The following STIM1 variants were observed in gnomAD, a reference collection of about 807,000 sequenced individuals.
STIM1 encodes the protein stromal interaction molecule 1.
In STIM1, 25 loss-of-function variants were observed where a neutral mutation model predicts 74.7. The observed-to-expected ratio is 0.33, with a 90% CI of 0.24 to 0.47. The LOEUF (loss-of-function observed/expected upper bound fraction) is 0.47, where lower values mean the gene tolerates loss of function less well. Ranked by LOEUF, STIM1 falls within the 20% of genes least tolerant of loss-of-function variation. The pLI is 1.00. For missense variants in STIM1, 728 were observed against 920.8 expected (o/e 0.79, Z 2.71); for synonymous variants, 328 against 348.8 (o/e 0.94, Z 0.66).
intron 1 of STIM1, among the ~76,000 whole-genome samples, chr11:3,895,968 G>A (rs1406758363): frequency 4.7e-5 from 7 of 147,546 alleles, no homozygotes; most frequent in South Asian, 2.1e-4. Context: ...GTAGTGGCGC[G>A]ATCTCGGCTC....
intron 5 of STIM1, among the ~76,000 whole-genome samples, chr11:4,067,276 G>C (rs749210379): frequency 6.6e-6 from 1 of 152,240 alleles, no homozygotes; most frequent in Non-Finnish European, 1.5e-5. Flanking sequence ...AACACATAGT[G>C]TGGGATGCCT....
intron 1 of STIM1, among the ~76,000 whole-genome samples, chr11:3,889,180 C>A (rs2091823305): frequency 6.7e-6 from 1 of 148,432 alleles, no homozygotes. Context: ...TCAGAGATAC[C>A]TAAGGCAAGA....
Position 3,856,054 on chromosome 11 carries a change from A to G in STIM1, c.-217A>G. ...AGGCCGCCGCAGCCCCGGCGGACCCACTGTTGGACCTGAGGAGCCAGCCCT... is the reference window on the plus strand; with the variant it reads ...AGGCCGCCGCAGCCCCGGCGGACCCGCTGTTGGACCTGAGGAGCCAGCCCT... On this transcript the variant is annotated 5_prime_UTR_variant, in exon 1 of 13. Coordinates refer to ENST00000526596, the MANE Select transcript of STIM1 (RefSeq NM_001382567.1). The G allele has an allele frequency of 5.1e-6, 3 of 586,044 alleles. No homozygotes were observed. The highest frequency in any genetic ancestry group is 9.1e-6 in the Non-Finnish European group (3 of 330,212). The allele number at this position is 586,044 out of a possible 1,614,324, so 36.3% of individuals were successfully genotyped here. A position where few individuals can be genotyped will look rare whatever the true frequency, so the allele number is the denominator to read the frequency against.
intron 4 of STIM1, among the ~76,000 whole-genome samples, 172 bp from the exon 5 acceptor site, chr11:4,059,109 G>C (rs1239762236): frequency 6.6e-6 from 1 of 152,160 alleles, no homozygotes; most frequent in Non-Finnish European, 1.5e-5. Flanking sequence ...AATGTTATGT[G>C]TCTCTCCATA....
At position 4,065,159 on chromosome 11, in the gene STIM1, G is replaced by T. The variant is rs534949038; in HGVS notation, c.614-4867G>T. ...TTTGTGCTTTCAGCAGGAATATTGA[G>T]AAAAGTGCAGGGAGGCCTACAGAAT... is the stretch of plus-strand genomic sequence containing the variant. On this transcript the variant is annotated intron_variant, in intron 5 of 12. Coordinates refer to ENST00000526596, the MANE Select transcript of STIM1 (RefSeq NM_001382567.1). Among the ~76,000 whole-genome samples the T allele has an allele frequency of 6.5e-4, 99 of 152,284 alleles. 1 individual carries two copies. The highest frequency in any genetic ancestry group is 2.3e-3 in the African/African-American group (97 of 41,572).
intron 1 of STIM1, among the ~76,000 whole-genome samples, chr11:3,913,954 TA>T (rs1427986016): frequency 1.7e-4 from 26 of 152,326 alleles, no homozygotes; most frequent in Admixed American, 5.9e-4. Context: ...CTTTTTTTAT[TA>T]TTTTTTTTGG....
intron 1 of STIM1, among the ~76,000 whole-genome samples, chr11:3,937,327 G>T (rs2092946757): frequency 9.3e-6 from 1 of 108,068 alleles, no homozygotes; most frequent in Non-Finnish European, 2.0e-5. Flanking sequence ...TAAAATATCT[G>T]GAATGAGTGT....
rs201500852 is a variant in STIM1 at position 3,856,332 on chromosome 11, A to G, written c.62A>G (p.Gln21Arg). 11 of 1,614,086 alleles carry G rather than the reference A, an allele frequency of 6.8e-6. No individual in the cohort carries two copies. The highest frequency in any genetic ancestry group is 9.3e-6 in the Non-Finnish European group (11 of 1,180,042). ...LLWGLLLHQG[Q>R]SLSHSHSEKA... ...TGGGGACTCCTCCTGCACCAGGGCC[A>G]GAGCCTCAGCCATAGTCACAGTGAG... is the stretch of plus-strand genomic sequence containing the variant. The change falls in exon 1 of 13, where the codon CAG (glutamine) becomes CGG (arginine). Residue 21 changes from glutamine to arginine, a missense_variant. By Grantham distance (43) the Gln-to-Arg change is conservative. Coordinates refer to ENST00000526596, the MANE Select transcript of STIM1 (RefSeq NM_001382567.1).
chr11:3,876,591 T>G (rs1258615521), intron 1 of STIM1, among the ~76,000 whole-genome samples: 1 of 152,186 alleles, frequency 6.6e-6, no homozygotes, highest in Non-Finnish European at 1.5e-5. Context: ...TTATTTTTTG[T>G]AGAGGCAGGG....
intron 7 of STIM1, among the ~76,000 whole-genome samples, chr11:4,081,618 G>A (rs1281985367): frequency 1.3e-5 from 2 of 152,174 alleles, no homozygotes; most frequent in Admixed American, 1.3e-4. Context: ...CCCATGACAG[G>A]GAACTCATTC....
chr11:4,069,606 T>C (rs898157275), intron 5 of STIM1, among the ~76,000 whole-genome samples: 2 of 152,274 alleles, frequency 1.3e-5, no homozygotes, highest in Admixed American at 1.3e-4. Context: ...TTGCTTTATA[T>C]CCTTTATACC....
intron 1 of STIM1, among the ~76,000 whole-genome samples, chr11:3,931,998 G>A (rs561651986): frequency 6.6e-6 from 1 of 152,172 alleles, no homozygotes; most frequent in Non-Finnish European, 1.5e-5. Context: ...ATTGCACGCT[G>A]TTTACAAGCG....
At chr11:3,867,989 G>C (rs771173792) in intron 1 of STIM1, 2 of 152,158 alleles carry the variant, frequency 1.3e-5, no homozygotes, top group East Asian at 1.9e-4. Context: ...CAGAACTCTC[G>C]TCACTACAGT....
chr11:3,963,114 A>T (rs2093304854), intron 1 of STIM1, among the ~76,000 whole-genome samples: 1 of 152,180 alleles, frequency 6.6e-6, no homozygotes, highest in African/African-American at 2.4e-5. Flanking sequence ...GAGTTTAGGG[A>T]TACAAGTATA....
chr11:3,913,210 G>A (rs2092592864), intron 1 of STIM1, among the ~76,000 whole-genome samples: 1 of 151,812 alleles, frequency 6.6e-6, no homozygotes, highest in Non-Finnish European at 1.5e-5. Flanking sequence ...CTTTTCTTAG[G>A]ACAGGGTCTT....
intron 3 of STIM1, 35 bp downstream of exon 3, chr11:4,024,022 G>T (rs758632678): frequency 1.3e-6 from 2 of 1,582,036 alleles, no homozygotes; most frequent in Non-Finnish European, 8.7e-7. Flanking sequence ...CCTAGTTGTG[G>T]GAAGGTTTAG....
At chr11:3,930,772 G>A (rs1381304547) in intron 1 of STIM1, among the ~76,000 whole-genome samples, 1 of 152,178 alleles carries the variant, frequency 6.6e-6, no homozygotes, top group Admixed American at 6.5e-5. Flanking sequence ...CCATGCATGG[G>A]CATTTGGAGG....
At chr11:3,913,810 TG>T (rs577904533) in intron 1 of STIM1, among the ~76,000 whole-genome samples, 518 of 152,306 alleles carry the variant, frequency 3.4e-3, no homozygotes, top group African/African-American at 0.012. Context: ...CCGCTCCCGC[TG>T]GCAGCCACCA....
chr11:3,981,193 G>C (rs1019873504), intron 2 of STIM1, among the ~76,000 whole-genome samples: 3 of 152,122 alleles, frequency 2.0e-5, no homozygotes, highest in African/African-American at 7.2e-5. Flanking sequence ...CTCCCAAAGC[G>C]CTGGGATTAT....
Sources: gnomAD v4.1 joint callset for allele counts (sites outside exome capture counted in the v4.1 genomes callset) on GRCh38, gnomAD v4.1.1 for gene constraint, MANE v1.5 for transcripts, NCBI Gene and HGNC (gene_info 2026-07-23, HGNC 2026-07-21) for gene names.